Variants in CSMD1 observed in about 807,000 individuals in gnomAD.
CSMD1 encodes the protein CUB and Sushi multiple domains 1, also known as CUB and sushi domain-containing protein 1.
CSMD1 carries 213 observed loss-of-function variants against 417.5 expected under a neutral mutation model. The ratio of observed to expected loss-of-function variants is 0.51; its 90% CI spans 0.46 to 0.57. The LOEUF (loss-of-function observed/expected upper bound fraction) is 0.57, where lower values mean the gene tolerates loss of function less well. Ranked by LOEUF, CSMD1 falls within the 20% of genes least tolerant of loss-of-function variation. The pLI is 0.00. For synonymous variants in CSMD1, 2,862 were observed against 1,736.8 expected (o/e 1.65, Z -16.11); for missense variants, 6,923 against 4,529.7 (o/e 1.53, Z -15.17).
At chr8:3,560,912 T>A (rs930692076) in intron 10 of CSMD1, among the ~76,000 whole-genome samples, 3 of 152,200 alleles carry the variant, frequency 2.0e-5, no homozygotes, top group South Asian at 4.1e-4. Flanking sequence ...TTTACTTCCA[T>A]GTTACAGACG....
intron 2 of CSMD1, among the ~76,000 whole-genome samples, chr8:4,598,072 A>G (rs906924451): frequency 7.2e-5 from 11 of 152,116 alleles, no homozygotes; most frequent in African/African-American, 2.4e-4. Context: ...AGATGCAAAA[A>G]TCACAGAAAA....
At chr8:2,956,365 A>G (rs1803008327) in intron 63 of CSMD1, among the ~76,000 whole-genome samples, 1 of 152,106 alleles carries the variant, frequency 6.6e-6, no homozygotes, top group African/African-American at 2.4e-5. Flanking sequence ...AAATCACTCC[A>G]TTCCTTATAA....
chr8:4,900,351 G>A (rs1213172474), intron 1 of CSMD1, among the ~76,000 whole-genome samples: 2 of 152,106 alleles, frequency 1.3e-5, no homozygotes, highest in Admixed American at 1.3e-4. Flanking sequence ...CAACTTTCAT[G>A]GCAGAAATGT....
chr8:4,192,875 G>A (rs1173802134), intron 3 of CSMD1, among the ~76,000 whole-genome samples: 3 of 152,036 alleles, frequency 2.0e-5, no homozygotes, highest in African/African-American at 7.2e-5. Context: ...GTCCTTCTAG[G>A]AACTTGATTC....
chr8:3,523,684 G>C (rs545016501), intron 10 of CSMD1, among the ~76,000 whole-genome samples: 1 of 140,958 alleles, frequency 7.1e-6, no homozygotes, highest in African/African-American at 2.7e-5. Context: ...CGTACACCCA[G>C]AGAGACATAT....
At chr8:4,156,722 C>A (rs1372308553) in intron 3 of CSMD1, among the ~76,000 whole-genome samples, 1 of 152,118 alleles carries the variant, frequency 6.6e-6, no homozygotes, top group African/African-American at 2.4e-5. Flanking sequence ...GTGCAGTTTG[C>A]AGTGGGGCCA....
chr8:4,821,523 T>C (rs1279844592), intron 1 of CSMD1, among the ~76,000 whole-genome samples: 1 of 152,166 alleles, frequency 6.6e-6, no homozygotes, highest in African/African-American at 2.4e-5. Context: ...ATGAAATATC[T>C]TACAGTACAA....
chr8:4,790,470 G>GA lies in CSMD1; in HGVS notation c.86-152913dup, dbSNP rs556820470. ...ACCAATAACATTTTCCACAGAATGA[G>GA]AAAAAAACTCTTCTAAAATTTATTT... On this transcript the variant is annotated intron_variant, in intron 1 of 69. Transcript: ENST00000635120. Among the ~76,000 whole-genome samples, 199 of 152,008 alleles carry GA rather than the reference G, an allele frequency of 1.3e-3. 1 individual carries two copies. The highest frequency in any genetic ancestry group is 4.3e-3 in the African/African-American group (180 of 41,456).
intron 26 of CSMD1, among the ~76,000 whole-genome samples, chr8:3,277,431 C>A (rs1429291111): frequency 6.6e-6 from 1 of 152,112 alleles, no homozygotes; most frequent in Non-Finnish European, 1.5e-5. Context: ...GCGGCGTAGA[C>A]CAAGGCGGCA....
At chr8:3,827,277 T>A (rs1802109668) in intron 5 of CSMD1, among the ~76,000 whole-genome samples, 2 of 152,198 alleles carry the variant, frequency 1.3e-5, no homozygotes, top group Admixed American at 1.3e-4. Context: ...CTTGCAATGT[T>A]ACATTTGAAC....
intron 3 of CSMD1, among the ~76,000 whole-genome samples, chr8:4,330,798 T>C (rs937585794): frequency 6.6e-6 from 1 of 152,072 alleles, no homozygotes; most frequent in Admixed American, 6.6e-5. Context: ...TCCCTATCTA[T>C]CTTCTGAAGC....
intron 55 of CSMD1, among the ~76,000 whole-genome samples, chr8:2,976,513 T>A (rs750419953): frequency 6.6e-5 from 10 of 152,024 alleles, no homozygotes; most frequent in Non-Finnish European, 1.2e-4. Flanking sequence ...GCCCCACTAG[T>A]TTTTATTTTA....
chr8:4,167,959 C>T (rs889742078), intron 3 of CSMD1, among the ~76,000 whole-genome samples: 15 of 151,982 alleles, frequency 9.9e-5, no homozygotes, highest in Non-Finnish European at 1.9e-4. Context: ...GAAACCCTAT[C>T]TCTACTAAAA....
chr8:4,754,767 T>G (rs924517994), intron 1 of CSMD1, among the ~76,000 whole-genome samples: 1 of 152,100 alleles, frequency 6.6e-6, no homozygotes, highest in Non-Finnish European at 1.5e-5. Flanking sequence ...GAGATTCGTT[T>G]GAACCCAGGA....
At chr8:4,250,652 A>G (rs1803004685) in intron 3 of CSMD1, among the ~76,000 whole-genome samples, 1 of 152,166 alleles carries the variant, frequency 6.6e-6, no homozygotes, top group Admixed American at 6.5e-5. Context: ...ATTAGATACT[A>G]TTGTAATTAT....
At chr8:4,185,610 A>C (rs1374526124) in intron 3 of CSMD1, among the ~76,000 whole-genome samples, 4 of 152,232 alleles carry the variant, frequency 2.6e-5, no homozygotes, top group Admixed American at 2.6e-4. Context: ...CTGATTTATG[A>C]AATTGCACGT....
chr8:4,068,560 C>T (rs1799379345), intron 3 of CSMD1, among the ~76,000 whole-genome samples: 1 of 152,116 alleles, frequency 6.6e-6, no homozygotes, highest in Non-Finnish European at 1.5e-5. Context: ...CTCTGGAGGC[C>T]ACTGGACCTT....
intron 6 of CSMD1, among the ~76,000 whole-genome samples, chr8:3,709,439 T>C (rs770363477): frequency 3.3e-5 from 5 of 152,088 alleles, no homozygotes; most frequent in Non-Finnish European, 7.3e-5. Flanking sequence ...GTTTTATGTG[T>C]GAACCTGACT....
chr8:3,580,292 G>T (rs770538634), intron 9 of CSMD1, among the ~76,000 whole-genome samples: 7 of 152,106 alleles, frequency 4.6e-5, no homozygotes, highest in African/African-American at 7.2e-5. Flanking sequence ...TAAAAGATTT[G>T]TAAAGTGAGG....
Sources: allele counts gnomAD v4.1 joint callset (sites outside exome capture counted in the v4.1 genomes callset), GRCh38; gene constraint gnomAD v4.1.1; transcripts MANE v1.5; gene names NCBI Gene and HGNC (gene_info 2026-07-23, HGNC 2026-07-21).